MDGA2: variants seen among roughly 807,000 people sequenced by gnomAD.
MDGA2 encodes the protein MAM domain containing glycosylphosphatidylinositol anchor 2, also known as MAM domain-containing glycosylphosphatidylinositol anchor protein 2.
MDGA2 carries 40 observed loss-of-function variants against 117.8 expected under a neutral mutation model. The ratio of observed to expected loss-of-function variants is 0.34; its 90% CI spans 0.26 to 0.44. MDGA2 has a LOEUF of 0.44. MDGA2 is among the 20% of genes least tolerant of loss of function. The pLI is 1.00. For missense variants in MDGA2, 1,123 were observed against 1,250.6 expected, an observed-to-expected ratio of 0.90 and a Z score of 1.54; for synonymous variants, 452 against 439.0, an observed-to-expected ratio of 1.03 and a Z score of -0.37.
chr14:47,615,622 G>A (rs949161722), intron 1 of MDGA2, among the ~76,000 whole-genome samples: 2 of 152,144 alleles, frequency 1.3e-5, no homozygotes, highest in African/African-American at 4.8e-5. Flanking sequence ...GTTAGACAGA[G>A]GATAGAAGGA....
intron 10 of MDGA2, among the ~76,000 whole-genome samples, chr14:46,891,254 T>C (rs1440340036): frequency 2.0e-5 from 3 of 151,896 alleles, no homozygotes; most frequent in African/African-American, 4.8e-5. Flanking sequence ...TATATTTTTA[T>C]ATTTTAACTC....
intron 16 of MDGA2, among the ~76,000 whole-genome samples, chr14:46,842,581 T>C (rs949904342): frequency 6.6e-6 from 1 of 152,186 alleles, no homozygotes. Flanking sequence ...ATGAAGTCCA[T>C]TCAAACTAAA....
At chr14:47,151,258 C>T (rs1883152357) in intron 3 of MDGA2, among the ~76,000 whole-genome samples, 1 of 152,154 alleles carries the variant, frequency 6.6e-6, no homozygotes, top group African/African-American at 2.4e-5. Context: ...TTCAGAGTGG[C>T]CCTGCAGAGT....
intron 1 of MDGA2, among the ~76,000 whole-genome samples, chr14:47,471,986 T>C (rs1437635663): frequency 1.3e-5 from 2 of 152,162 alleles, no homozygotes; most frequent in Non-Finnish European, 2.9e-5. Context: ...CAAGGCAATG[T>C]AATACAGTGG....
chr14:47,236,979 A>T (rs1886885180), intron 2 of MDGA2, among the ~76,000 whole-genome samples: 2 of 152,184 alleles, frequency 1.3e-5, no homozygotes, highest in African/African-American at 2.4e-5. Context: ...CTATTAATAT[A>T]ACTTACTAGT....
intron 1 of MDGA2, among the ~76,000 whole-genome samples, chr14:47,410,716 AT>A (rs934698748): frequency 6.6e-6 from 1 of 152,080 alleles, no homozygotes; most frequent in African/African-American, 2.4e-5. Flanking sequence ...CACATTCCTA[AT>A]TTTTCTATGT....
chr14:47,526,445 T>G (rs528186116), intron 1 of MDGA2, among the ~76,000 whole-genome samples: 1 of 152,276 alleles, frequency 6.6e-6, no homozygotes, highest in Admixed American at 6.5e-5. Context: ...CTCTTATTCT[T>G]GGATCATAGT....
chr14:47,594,209 G>T (rs559888915), intron 1 of MDGA2, among the ~76,000 whole-genome samples: 1 of 152,234 alleles, frequency 6.6e-6, no homozygotes, highest in African/African-American at 2.4e-5. Context: ...CTGATTTTGT[G>T]TAGGACAAAC....
chr14:47,302,059 T>C (rs1889303137), intron 1 of MDGA2, among the ~76,000 whole-genome samples: 1 of 152,214 alleles, frequency 6.6e-6, no homozygotes, highest in Non-Finnish European at 1.5e-5. Flanking sequence ...CAACTTAATT[T>C]ACCATACTTA....
chr14:47,000,264 GTAACTGCTCTAAGGATAA>G lies in MDGA2; in HGVS notation c.1819+34729_1819+34746del, dbSNP rs1391430618. ...GGTAGAAAGCCTGACTTCAAAGCAT[GTAACTGCTCTAAGGATAA>G]TAATAGCTTTCTTGCTTAGGTTCCA... is the stretch of plus-strand genomic sequence containing the variant. On this transcript the variant is annotated intron_variant, in intron 8 of 16. Coordinates refer to ENST00000399232, the MANE Select transcript of MDGA2 (RefSeq NM_001113498.3). Among the ~76,000 whole-genome samples the G allele has an allele frequency of 4.1e-5, 6 of 146,736 alleles. No individual in the cohort carries two copies. In the East Asian group the frequency reaches 1.2e-3, roughly 29 times the overall value.
Position 47,144,253 on chromosome 14 carries a change from G to A in MDGA2, c.617C>T (p.Thr206Ile). The A allele has an allele frequency of 6.5e-7, 1 of 1,550,328 alleles. No homozygotes were observed. The highest frequency in any genetic ancestry group is 8.7e-7 in the Non-Finnish European group (1 of 1,146,144). Residue 206 changes from threonine to isoleucine, a missense_variant, in exon 4 of 17, where the codon ACT becomes ATT. Around this residue, in one of 2 missense-constraint regions of MDGA2, gnomAD observed 890 missense variants for 1,050.3 expected, o/e 0.85. Transcript: ENST00000399232. ...DVYYLDDPVV[T>I]VHQSIGEAKE... is the part of the protein sequence containing the mutation. ...AGCTTCACCTATACTTTGATGAACA[G>A]TTACTACTGGATCATCCAAATCTAA...
At chr14:46,944,878 T>C (rs946288698) in intron 9 of MDGA2, among the ~76,000 whole-genome samples, 5 of 152,078 alleles carry the variant, frequency 3.3e-5, no homozygotes. Flanking sequence ...TATTTTCCCA[T>C]AATACTTTGA....
At chr14:47,175,800 G>C (rs928383688) in intron 3 of MDGA2, among the ~76,000 whole-genome samples, 1 of 146,490 alleles carries the variant, frequency 6.8e-6, no homozygotes, top group African/African-American at 2.6e-5. Context: ...TTCTGGTCAG[G>C]GCAATTAAGC....
Position 47,097,001 on chromosome 14 carries a change from A to G in MDGA2, c.1048T>C (p.Phe350Leu), listed in dbSNP as rs1457578782. The G allele has an allele frequency of 1.9e-6, 3 of 1,613,278 alleles. No individual in the cohort carries two copies. Among genetic ancestry groups the G allele is most frequent in the South Asian group, 1.1e-5 (1 of 91,078 alleles). Residue 350 changes from phenylalanine (F) to leucine (L), a missense_variant, in exon 6 of 17, where the codon TTT becomes CTT. Physicochemically the swap from Phe to Leu is conservative, Grantham distance 22 (BLOSUM62 0). Around this residue, in one of 2 missense-constraint regions of MDGA2, gnomAD observed 890 missense variants for 1,050.3 expected, o/e 0.85. Transcript: ENST00000399232. ...PAPSLTWVRS[F>L]GTLPEKTVLN... ...ACAGTCTTTTCAGGCAGAGTCCCAA[A>G]GGACCTGACCCAGGTGAGAGAAGGT...
At chr14:47,136,877 A>C (rs1237281851) in intron 4 of MDGA2, among the ~76,000 whole-genome samples, 1 of 152,202 alleles carries the variant, frequency 6.6e-6, no homozygotes. Context: ...GTAGCCTGCA[A>C]GATAGATTTA....
At chr14:47,130,084 C>T (rs1882127028) in intron 5 of MDGA2, among the ~76,000 whole-genome samples, 1 of 151,760 alleles carries the variant, frequency 6.6e-6, no homozygotes, top group African/African-American at 2.4e-5. Context: ...TGTGCAGAAG[C>T]TCTTTAGTTT....
chr14:47,175,569 T>A (rs1395680044), intron 3 of MDGA2, among the ~76,000 whole-genome samples: 1 of 151,948 alleles, frequency 6.6e-6, no homozygotes, highest in Non-Finnish European at 1.5e-5. Context: ...TCTCAATAGA[T>A]GCAGAAAAGG....
intron 8 of MDGA2, among the ~76,000 whole-genome samples, chr14:46,973,882 C>T (rs536361506): frequency 7.3e-6 from 1 of 137,648 alleles, no homozygotes; most frequent in South Asian, 2.4e-4. Context: ...AGTTGCATTT[C>T]TTCCTTTTTA....
At chr14:47,483,769 T>C (rs1259110776) in intron 1 of MDGA2, among the ~76,000 whole-genome samples, 1 of 152,200 alleles carries the variant, frequency 6.6e-6, no homozygotes, top group Non-Finnish European at 1.5e-5. Flanking sequence ...CAGCAGGCAG[T>C]GAGTGGTTGG....
Sources: allele counts gnomAD v4.1 joint callset (sites outside exome capture counted in the v4.1 genomes callset), GRCh38; gene constraint gnomAD v4.1.1; regional missense constraint gnomAD v4.1.1; transcripts MANE v1.5; gene names NCBI Gene and HGNC (gene_info 2026-07-23, HGNC 2026-07-21).